KNTC1: variants seen among roughly 807,000 people sequenced by gnomAD.
KNTC1 encodes the protein kinetochore-associated protein 1.
A neutral mutation model predicts 314.4 loss-of-function variants in KNTC1; 253 were observed. The observed-to-expected ratio is 0.80, with a 90% CI of 0.73 to 0.89. The LOEUF (loss-of-function observed/expected upper bound fraction) is 0.89. KNTC1 is among the 40% of genes least tolerant of loss of function. KNTC1 has a pLI of 0.00. For synonymous variants in KNTC1, 901 were observed against 901.4 expected (o/e 1.00, Z 0.01); for missense variants, 2,475 against 2,572.9 (o/e 0.96, Z 0.82).
At chr12:122,572,801 GT>G in intron 24 of KNTC1, 135 bp from the exon 25 acceptor site, 1 of 611,484 alleles carries the variant, frequency 1.6e-6, no homozygotes, top group Non-Finnish European at 2.8e-6. Flanking sequence ...TAGAGCATAA[GT>G]TGGTTTAAAG....
intron 3 of KNTC1, among the ~76,000 whole-genome samples, chr12:122,535,315 G>A (rs548600791): frequency 6.6e-6 from 1 of 152,234 alleles, no homozygotes; most frequent in East Asian, 1.9e-4. Context: ...CTTGCGGTCA[G>A]GAGTTCAAGA....
In KNTC1 at chr12:122,584,243, G is replaced by A. The variant is rs774713225; in HGVS notation, c.3264-35G>A. On this transcript the variant is annotated intron_variant, in intron 34 of 63. Coordinates refer to ENST00000333479, the MANE Select transcript of KNTC1 (RefSeq NM_014708.6). ...GGCCATGCGTTCACTTTCAATGTGA[G>A]TATTCTAACTACCAATACTTTCTTT... is the stretch of plus-strand genomic sequence containing the variant. The A allele has an allele frequency of 1.4e-5, 21 of 1,509,952 alleles. No homozygotes were observed. The Admixed American group carries it at 3.3e-4, about 24-fold the overall frequency. The allele number at this position is 1,509,952 out of a possible 1,614,324, so 93.5% of individuals were successfully genotyped here. A position where few individuals can be genotyped will look rare whatever the true frequency, so the allele number is the denominator to read the frequency against.
intron 24 of KNTC1, 122 bp from the exon 25 acceptor site, chr12:122,572,815 G>T: frequency 2.8e-6 from 2 of 721,816 alleles, no homozygotes; most frequent in Non-Finnish European, 4.4e-6. Context: ...GTTTAAAGTT[G>T]CAGGTTTCCT....
chr12:122,605,396 C>T lies in KNTC1; in HGVS notation c.5477C>T (p.Pro1826Leu), dbSNP rs1318851688. 1.3e-6 allele frequency: 2 copies of T among 1,591,858 alleles called. No individual in the cohort carries two copies. The highest frequency in any genetic ancestry group is 1.7e-5 in the Admixed American group (1 of 58,134). ...ATGTTGTTGGAAAAATGGCTATGCCCTTCAACAAAACCTGGTGAAGTAAGT... is the reference window on the plus strand; with the variant it reads ...ATGTTGTTGGAAAAATGGCTATGCCTTTCAACAAAACCTGGTGAAGTAAGT... ...WDMLLEKWLC[P>L]STKPGEKPSE... Residue 1826 changes from proline to leucine, a missense_variant, in exon 51 of 64, where the codon CCT becomes CTT. Pro to Leu is a moderately conservative substitution (Grantham distance 98). Transcript: ENST00000333479.
intron 22 of KNTC1, 29 bp downstream of exon 22, chr12:122,569,853 G>C: frequency 6.3e-7 from 1 of 1,581,364 alleles, no homozygotes; most frequent in Non-Finnish European, 8.6e-7. Flanking sequence ...TTCCACTCTT[G>C]ATGACTTTAT....
At chr12:122,612,367 A>G (rs1468946560) in intron 53 of KNTC1, among the ~76,000 whole-genome samples, 4 of 148,032 alleles carry the variant, frequency 2.7e-5, no homozygotes, top group Admixed American at 2.0e-4. Flanking sequence ...CACCCAGCCC[A>G]TCAAGAACAT....
intron 18 of KNTC1, among the ~76,000 whole-genome samples, chr12:122,560,862 G>C (rs1250967483): frequency 6.6e-6 from 1 of 152,126 alleles, no homozygotes; most frequent in East Asian, 1.9e-4. Context: ...TCAAACTCCT[G>C]GGTTCAAGCA....
At chr12:122,586,075 GTTTTGT>G (rs1869245629) in intron 37 of KNTC1, among the ~76,000 whole-genome samples, 4 of 150,850 alleles carry the variant, frequency 2.7e-5, no homozygotes, top group African/African-American at 7.3e-5. Context: ...TTGTGTGTTT[GTTTTGT>G]TTTGTTTTGT....
chr12:122,557,714 T>C, intron 18 of KNTC1, 25 bp downstream of exon 18: 1 of 1,547,626 alleles, frequency 6.5e-7, no homozygotes, highest in Non-Finnish European at 8.9e-7. Flanking sequence ...TTGTATTTTG[T>C]TTTTTTGGGG....
At position 122,570,890 on chromosome 12, in the gene KNTC1, A is replaced by G. The variant is rs1047445712; in HGVS notation, c.1875A>G (p.Lys625=). Residue 625 remains lysine (K), a synonymous_variant, in exon 23 of 64, where the codon AAA becomes AAG. Transcript: ENST00000333479. ...ATCTATTTCAGATAATTCTTGCAAA[A>G]TGGTTGGAACAAGCAGCCAGGAACC... ...TVPEGQIILA[K]WLEQAARNLE... 19 of 1,550,080 alleles carry G rather than the reference A, an allele frequency of 1.2e-5. No individual in the cohort carries two copies. The highest frequency in any genetic ancestry group is 2.6e-6 in the Non-Finnish European group (3 of 1,143,054).
intron 62 of KNTC1, among the ~76,000 whole-genome samples, chr12:122,622,815 G>A (rs924287823): frequency 5.9e-5 from 9 of 151,970 alleles, no homozygotes; most frequent in Non-Finnish European, 1.3e-4. Flanking sequence ...GGGCATGGTG[G>A]CACATACCTG....
intron 55 of KNTC1, among the ~76,000 whole-genome samples, chr12:122,614,296 A>T (rs1243542810): frequency 2.0e-5 from 3 of 152,046 alleles, no homozygotes; most frequent in Non-Finnish European, 4.4e-5. Context: ...CACTTTTATA[A>T]TCTCTTCCAC....
intron 52 of KNTC1, 56 bp from the exon 53 acceptor site, chr12:122,610,766 T>C (rs1873024104): frequency 1.8e-6 from 2 of 1,116,376 alleles, no homozygotes; most frequent in East Asian, 2.4e-5. Context: ...AAGTCTGTTG[T>C]TTTGGTAATC....
intron 53 of KNTC1, 26 bp from the exon 54 acceptor site, chr12:122,613,086 T>G (rs1873356422): frequency 1.5e-6 from 2 of 1,328,844 alleles, no homozygotes; most frequent in African/African-American, 2.9e-5. Flanking sequence ...GGTGTTCAAC[T>G]CTCCAAACCT....
intron 63 of KNTC1, among the ~76,000 whole-genome samples, chr12:122,625,944 C>G (rs1392631819): frequency 6.6e-6 from 1 of 152,162 alleles, no homozygotes; most frequent in Non-Finnish European, 1.5e-5. Context: ...TTTGTTACCG[C>G]CCATTAATAA....
At chr12:122,609,458 C>G in intron 52 of KNTC1, 28 bp downstream of exon 52, 1 of 1,407,420 alleles carries the variant, frequency 7.1e-7, no homozygotes, top group South Asian at 1.3e-5. Context: ...TTATATTCAC[C>G]TATATCGTGA....
intron 5 of KNTC1, among the ~76,000 whole-genome samples, chr12:122,541,832 A>G (rs936235181): frequency 2.6e-5 from 4 of 151,692 alleles, no homozygotes; most frequent in Non-Finnish European, 5.9e-5. Flanking sequence ...CATCCTGGCC[A>G]ACATGGTGAA....
At position 122,620,587 on chromosome 12, in the gene KNTC1, G is replaced by GA; in HGVS notation, c.6262dup (p.Arg2088LysfsTer6). 6.2e-7 allele frequency: 1 copy of GA among 1,613,596 alleles called. No homozygotes were observed. Among genetic ancestry groups the GA allele is most frequent in the African/African-American group, 1.3e-5 (1 of 75,042 alleles). On this transcript the variant is annotated frameshift_variant, in exon 60 of 64. Transcript: ENST00000333479. LOFTEE classifies it high-confidence loss of function. The stretch of plus-strand genomic sequence containing the variant: ...GTCTGATGCTCATGCCCCACTCAGA[G>GA]AAAAGACACCAGCAAATTAAGGTAT...
chr12:122,554,034 T>C (rs946085227), intron 16 of KNTC1, among the ~76,000 whole-genome samples: 2 of 144,016 alleles, frequency 1.4e-5, no homozygotes, highest in African/African-American at 5.2e-5. Flanking sequence ...TTAAAAAATA[T>C]AACGGTTTTA....
Sources: gnomAD v4.1 joint callset for allele counts (sites outside exome capture counted in the v4.1 genomes callset) on GRCh38, gnomAD v4.1.1 for gene constraint, MANE v1.5 for transcripts, NCBI Gene and HGNC (gene_info 2026-07-23, HGNC 2026-07-21) for gene names.